Variants in FBXL13 observed in about 807,000 individuals in gnomAD.
FBXL13 encodes the protein F-box and leucine-rich repeat protein 13.
Under a neutral mutation model 83.6 loss-of-function variants are expected in FBXL13, and 67 were observed. The observed-to-expected ratio is 0.80, with a 90% confidence interval of 0.66 to 0.98. The LOEUF is 0.98. Among genes scored for constraint, FBXL13 ranks in the 50% least tolerant of loss-of-function variants. The pLI, the probability that FBXL13 is intolerant of heterozygous loss-of-function variation, is 0.00. For missense variants in FBXL13, 822 were observed against 866.5 expected, an observed-to-expected ratio of 0.95 and a Z score of 0.64; for synonymous variants, 272 against 299.5, an observed-to-expected ratio of 0.91 and a Z score of 0.95.
chr7:102,903,625 G>A (rs535299030), intron 11 of FBXL13, among the ~76,000 whole-genome samples: 25 of 152,034 alleles, frequency 1.6e-4, no homozygotes, highest in African/African-American at 5.8e-4. Flanking sequence ...TTCTTATGAA[G>A]GGATATTGAA....
intron 8 of FBXL13, among the ~76,000 whole-genome samples, chr7:102,940,245 C>G (rs558595916): frequency 4.1e-4 from 57 of 137,648 alleles, no homozygotes; most frequent in South Asian, 1.2e-3. Context: ...GAGTCTAGCT[C>G]TGTTGCCAGG....
At chr7:102,859,842 CAGCTGA>C (rs1806548549) in intron 16 of FBXL13, among the ~76,000 whole-genome samples, 1 of 152,114 alleles carries the variant, frequency 6.6e-6, no homozygotes, top group South Asian at 2.1e-4. Context: ...ATTTTATGGT[CAGCTGA>C]AGTGCAGAGG....
chr7:103,033,327 C>A (rs531131712), intron 2 of FBXL13, among the ~76,000 whole-genome samples: 2 of 152,316 alleles, frequency 1.3e-5, no homozygotes, highest in African/African-American at 4.8e-5. Context: ...AGAACTGCTC[C>A]TATGAGGCAC....
intron 2 of FBXL13, among the ~76,000 whole-genome samples, chr7:103,044,915 G>A (rs1796115998): frequency 1.3e-5 from 2 of 152,120 alleles, no homozygotes; most frequent in Admixed American, 1.3e-4. Flanking sequence ...ACAGTTTCCT[G>A]TATTCACTCG....
intron 6 of FBXL13, among the ~76,000 whole-genome samples, chr7:102,985,651 G>A (rs978983132): frequency 6.6e-6 from 1 of 152,190 alleles, no homozygotes; most frequent in Non-Finnish European, 1.5e-5. Context: ...TCAACAAGAT[G>A]AAATTGAACA....
intron 8 of FBXL13, among the ~76,000 whole-genome samples, chr7:102,940,832 C>T (rs1821289526): frequency 6.6e-6 from 1 of 152,206 alleles, no homozygotes; most frequent in African/African-American, 2.4e-5. Flanking sequence ...ATATATAACA[C>T]AAGTGCTTTC....
At chr7:103,054,997 C>A (rs1797199500) in intron 2 of FBXL13, 91 bp downstream of exon 3, 3 of 757,380 alleles carry the variant, frequency 4.0e-6, no homozygotes, top group Non-Finnish European at 5.7e-6. Context: ...AACAGTCTGA[C>A]CTCACACCTC....
chr7:102,869,090 T>C (rs1808166095), intron 16 of FBXL13, among the ~76,000 whole-genome samples: 1 of 152,236 alleles, frequency 6.6e-6, no homozygotes, highest in Non-Finnish European at 1.5e-5. Context: ...AATTGTAATT[T>C]CCATCAACAG....
chr7:103,066,070 A>G (rs1450944116), intron 1 of FBXL13, among the ~76,000 whole-genome samples: 1 of 152,236 alleles, frequency 6.6e-6, no homozygotes, highest in African/African-American at 2.4e-5. Context: ...AAGCAATGCC[A>G]AGGTCTAGAT....
chr7:102,858,192 G>A (rs1464329365), intron 16 of FBXL13, among the ~76,000 whole-genome samples: 1 of 152,174 alleles, frequency 6.6e-6, no homozygotes, highest in Non-Finnish European at 1.5e-5. Flanking sequence ...AGCAAAATAA[G>A]ATAAGCACAG....
chr7:102,849,472 C>G (rs1488976564), intron 17 of FBXL13, among the ~76,000 whole-genome samples: 1 of 152,110 alleles, frequency 6.6e-6, no homozygotes, highest in African/African-American at 2.4e-5. Context: ...ATTCATTTTT[C>G]TCATTAAGCG....
chr7:102,854,938 A>C, intron 16 of FBXL13, 78 bp from the exon 18 acceptor site: 1 of 764,908 alleles, frequency 1.3e-6, no homozygotes, highest in Non-Finnish European at 2.0e-6. Flanking sequence ...CCATTTATAC[A>C]AACTGACAAC....
At chr7:102,870,379 G>A (rs538369118) in intron 16 of FBXL13, among the ~76,000 whole-genome samples, 146 of 152,216 alleles carry the variant, frequency 9.6e-4, no homozygotes, top group African/African-American at 3.4e-3. Flanking sequence ...ATATTGCCTT[G>A]AAATGATCTA....
chr7:102,844,310 C>T (rs111936328), intron 17 of FBXL13, among the ~76,000 whole-genome samples: 1 of 152,096 alleles, frequency 6.6e-6, no homozygotes, highest in Admixed American at 6.6e-5. Flanking sequence ...CTTCGCCTCC[C>T]CTCCAAACCA....
chr7:102,867,763 C>G, intron 16 of FBXL13, among the ~76,000 whole-genome samples: 1 of 129,718 alleles, frequency 7.7e-6, no homozygotes. Context: ...AGTGCAGTGG[C>G]GCAATCTTGG....
chr7:103,008,701 G>C lies in FBXL13; in HGVS notation c.495+16362C>G, dbSNP rs982564025. Among the ~76,000 whole-genome samples, 5 of 152,140 alleles carry C rather than the reference G, an allele frequency of 3.3e-5. No homozygotes were observed. The East Asian group carries it at 7.7e-4, about 24-fold the overall frequency. On this transcript the variant is annotated intron_variant, in intron 6 of 19. Transcript: ENST00000313221. ...GCCTCCCGAGTAGCTGGGACTATAG[G>C]TGCACACCAACACACCCGGCTAATT...
chr7:102,821,022 T>C (rs1426424186), intron 19 of FBXL13, among the ~76,000 whole-genome samples: 1 of 152,228 alleles, frequency 6.6e-6, no homozygotes, highest in African/African-American at 2.4e-5. Flanking sequence ...CTCTTATAAA[T>C]AGTGATTGGC....
At chr7:102,917,406 G>C (rs891450578) in intron 10 of FBXL13, among the ~76,000 whole-genome samples, 4 of 152,164 alleles carry the variant, frequency 2.6e-5, no homozygotes, top group Non-Finnish European at 4.4e-5. Flanking sequence ...AGCACTGTAT[G>C]CCCAGAACAC....
chr7:103,019,017 T>C (rs1269518820), intron 6 of FBXL13, among the ~76,000 whole-genome samples: 4 of 152,196 alleles, frequency 2.6e-5, no homozygotes, highest in African/African-American at 7.2e-5. Flanking sequence ...CAACAGAATA[T>C]ACATTCTTCG....
Sources: allele counts gnomAD v4.1 joint callset (sites outside exome capture counted in the v4.1 genomes callset), GRCh38; gene constraint gnomAD v4.1.1; transcripts MANE v1.5; gene names NCBI Gene and HGNC (gene_info 2026-07-23, HGNC 2026-07-21).